The following NALF1 variants were observed in gnomAD, a reference collection of about 807,000 sequenced individuals.
NALF1 encodes family with sequence similarity 155 member A.
NALF1 carries 3 observed loss-of-function variants against 48.4 expected under a neutral mutation model. The observed-to-expected ratio is 0.06, with a 90% CI of 0.03 to 0.16. The LOEUF (loss-of-function observed/expected upper bound fraction) is 0.16. NALF1 is among the 10% of genes least tolerant of loss of function. The probability of loss-of-function intolerance (pLI) is 1.00; values close to 1 mark genes in which losing one functional copy is unlikely to be tolerated. For synonymous variants in NALF1, 262 were observed against 245.7 expected, an observed-to-expected ratio of 1.07 and a Z score of -0.62; for missense variants, 526 against 571.5, an observed-to-expected ratio of 0.92 and a Z score of 0.81.
intron 1 of NALF1, among the ~76,000 whole-genome samples, chr13:107,702,003 A>T (rs1185021310): frequency 1.3e-5 from 2 of 152,380 alleles, no homozygotes; most frequent in African/African-American, 2.4e-5. Context: ...AACTGGCTAC[A>T]AAGTATAATA....
At chr13:107,814,168 T>C (rs1349359386) in intron 1 of NALF1, among the ~76,000 whole-genome samples, 1 of 152,172 alleles carries the variant, frequency 6.6e-6, no homozygotes, top group Non-Finnish European at 1.5e-5. Flanking sequence ...GATTTTCTGA[T>C]GTTTATATTA....
intron 1 of NALF1, among the ~76,000 whole-genome samples, chr13:107,807,596 G>T (rs1878841075): frequency 6.6e-6 from 1 of 152,122 alleles, no homozygotes; most frequent in Non-Finnish European, 1.5e-5. Context: ...AATGATAAAT[G>T]AACTCAAAAT....
chr13:107,761,250 G>A (rs917549150), intron 1 of NALF1, among the ~76,000 whole-genome samples: 6 of 152,064 alleles, frequency 3.9e-5, no homozygotes, highest in Admixed American at 2.0e-4. Flanking sequence ...CCAGCTACTC[G>A]GGAGGCTGAG....
intron 1 of NALF1, among the ~76,000 whole-genome samples, chr13:107,449,838 C>A (rs1884711028): frequency 6.6e-6 from 1 of 152,132 alleles, no homozygotes; most frequent in South Asian, 2.1e-4. Context: ...CAACATCATT[C>A]CAAATTTACA....
intron 1 of NALF1, among the ~76,000 whole-genome samples, chr13:107,780,288 A>G (rs1877851703): frequency 6.6e-6 from 1 of 151,890 alleles, no homozygotes; most frequent in Admixed American, 6.6e-5. Flanking sequence ...CCAACTAAAC[A>G]CTTTACCTTT....
At chr13:107,641,215 G>A (rs1169452565) in intron 1 of NALF1, among the ~76,000 whole-genome samples, 4 of 152,146 alleles carry the variant, frequency 2.6e-5, no homozygotes, top group Non-Finnish European at 5.9e-5. Context: ...TAGATCTCAT[G>A]GAGGAAGAGG....
At chr13:107,750,765 C>A (rs993716226) in intron 1 of NALF1, among the ~76,000 whole-genome samples, 1 of 152,138 alleles carries the variant, frequency 6.6e-6, no homozygotes, top group Admixed American at 6.5e-5. Flanking sequence ...GGAAAATAAA[C>A]TTCTTGAAAG....
chr13:107,721,427 C>T (rs1875983330), intron 1 of NALF1, among the ~76,000 whole-genome samples: 1 of 152,138 alleles, frequency 6.6e-6, no homozygotes, highest in Non-Finnish European at 1.5e-5. Flanking sequence ...TCAATACCTA[C>T]AGATGGATTT....
intron 1 of NALF1, among the ~76,000 whole-genome samples, chr13:107,539,285 G>A (rs1324228635): frequency 6.6e-6 from 1 of 151,936 alleles, no homozygotes; most frequent in Non-Finnish European, 1.5e-5. Flanking sequence ...ATGGAAGGCA[G>A]AAGCAAGCGT....
At chr13:107,629,183 T>C (rs1432073441) in intron 1 of NALF1, among the ~76,000 whole-genome samples, 3 of 152,206 alleles carry the variant, frequency 2.0e-5, no homozygotes, top group Admixed American at 6.5e-5. Context: ...TGCATATTTA[T>C]ACTAATAGTC....
Position 107,553,794 on chromosome 13 carries a change from C to T in NALF1, c.915+311888G>A, listed in dbSNP as rs762607763. ...GCTTCAACTTTAAGAATCCAAGACG[C>T]GAGTATCTCAGAGCCCAGAGGAGCA... On this transcript the variant is annotated intron_variant, in intron 1 of 2. Coordinates refer to ENST00000375915, the MANE Select transcript of NALF1 (RefSeq NM_001080396.3). Among the ~76,000 whole-genome samples, 6 of 152,220 alleles carry T rather than the reference C, an allele frequency of 3.9e-5. No homozygotes were observed. In the East Asian group the frequency reaches 5.8e-4, roughly 15 times the overall value.
At chr13:107,704,007 G>A (rs1881888676) in intron 1 of NALF1, among the ~76,000 whole-genome samples, 1 of 152,054 alleles carries the variant, frequency 6.6e-6, no homozygotes, top group Non-Finnish European at 1.5e-5. Flanking sequence ...AGAATGCCAG[G>A]AAACATGTCC....
intron 1 of NALF1, among the ~76,000 whole-genome samples, chr13:107,458,189 A>T (rs939692417): frequency 6.6e-6 from 1 of 152,226 alleles, no homozygotes; most frequent in African/African-American, 2.4e-5. Context: ...TATGTCAGAA[A>T]AAAACAGCAT....
chr13:107,349,904 C>T (rs1168752517), intron 1 of NALF1, among the ~76,000 whole-genome samples: 1 of 152,078 alleles, frequency 6.6e-6, no homozygotes, highest in Non-Finnish European at 1.5e-5. Context: ...GAACCGACTT[C>T]ATGGAGGACA....
intron 1 of NALF1, among the ~76,000 whole-genome samples, chr13:107,269,815 T>C (rs1445466858): frequency 1.3e-5 from 2 of 151,690 alleles, no homozygotes; most frequent in African/African-American, 2.4e-5. Flanking sequence ...TATGTTTCTT[T>C]TTTTTTTTTG....
chr13:107,490,454 T>C (rs1177611475), intron 1 of NALF1, among the ~76,000 whole-genome samples: 2 of 152,062 alleles, frequency 1.3e-5, no homozygotes, highest in Admixed American at 6.6e-5. Flanking sequence ...AGCAAACTAA[T>C]ACAGAAACAG....
In NALF1 at chr13:107,407,041, C is replaced by T. The variant is rs192102317; in HGVS notation, c.916-196286G>A. On this transcript the variant is annotated intron_variant, in intron 1 of 2. Transcript: ENST00000375915. ...AAAAGATAGTCTTTTCAATAAATGG[C>T]CCTAGGAAAACTGGATAGCCATATA... Among the ~76,000 whole-genome samples the T allele has an allele frequency of 4.8e-3, 731 of 151,890 alleles. 2 individuals carry two copies. Among genetic ancestry groups the T allele is most frequent in the African/African-American group, 0.016 (679 of 41,470 alleles).
intron 2 of NALF1, among the ~76,000 whole-genome samples, chr13:107,210,310 TCTAATGATTG>T (rs1235696169): frequency 6.6e-6 from 1 of 152,190 alleles, no homozygotes. Context: ...TGTAAGTATA[TCTAATGATTG>T]CTAATATTTT....
intron 2 of NALF1, among the ~76,000 whole-genome samples, chr13:107,204,169 G>A (rs1425223531): frequency 6.6e-6 from 1 of 152,074 alleles, no homozygotes; most frequent in Non-Finnish European, 1.5e-5. Context: ...AGGCAGAGAG[G>A]GGCGCCCACA....
Sources: gnomAD v4.1 joint callset for allele counts (sites outside exome capture counted in the v4.1 genomes callset) on GRCh38, gnomAD v4.1.1 for gene constraint, MANE v1.5 for transcripts, NCBI Gene and HGNC (gene_info 2026-07-23, HGNC 2026-07-21) for gene names.